The following GALNT2 variants were observed in gnomAD, a reference collection of about 807,000 sequenced individuals.
GALNT2 encodes the protein UDP-GalNAc:polypeptide N-acetylgalactosaminyltransferase 2.
A neutral mutation model predicts 81.4 loss-of-function variants in GALNT2; 31 were observed. The observed-to-expected ratio is 0.38, with a 90% CI of 0.29 to 0.51. The LOEUF is 0.51. Ranked by LOEUF, GALNT2 falls within the 20% of genes least tolerant of loss-of-function variation. The pLI is 0.87. For missense variants in GALNT2, 629 were observed against 765.7 expected, an observed-to-expected ratio of 0.82 and a Z score of 2.11; for synonymous variants, 303 against 287.4, an observed-to-expected ratio of 1.05 and a Z score of -0.55.
At position 230,262,438 on chromosome 1, in the gene GALNT2, T is replaced by C. The variant is rs1369732088; in HGVS notation, c.1137-135T>C. On this transcript the variant is annotated intron_variant, in intron 11 of 15. Transcript: ENST00000366672. ...GGTGGGGACAGCCCACCCTCTGCTG[T>C]GTGCCGTGATCCCAGCTGGAGCTGC... 5 of 711,662 alleles carry C rather than the reference T, an allele frequency of 7.0e-6. No homozygotes were observed. In the Admixed American group the frequency reaches 1.2e-4, roughly 17 times the overall value. The allele number at this position is 711,662 out of a possible 1,614,324, so 44.1% of individuals were successfully genotyped here. A position where few individuals can be genotyped will look rare whatever the true frequency, so the allele number is the denominator to read the frequency against.
intron 1 of GALNT2, among the ~76,000 whole-genome samples, chr1:230,175,020 G>A (rs1005379656): frequency 6.6e-6 from 1 of 152,178 alleles, no homozygotes; most frequent in Non-Finnish European, 1.5e-5. Context: ...TCTTTGCACA[G>A]CACAGGCCAA....
chr1:230,081,246 C>G (rs981505104), intron 1 of GALNT2, among the ~76,000 whole-genome samples: 2 of 152,146 alleles, frequency 1.3e-5, no homozygotes, highest in Non-Finnish European at 2.9e-5. Flanking sequence ...AGGGTCCCCC[C>G]CAGCTGGTGT....
In GALNT2 at chr1:230,262,504, A is replaced by G. The variant is rs559511923; in HGVS notation, c.1137-69A>G. On this transcript the variant is annotated intron_variant, in intron 11 of 15. Transcript: ENST00000366672. ...AGCCGCCTCAGTCACACGCCAGCAG[A>G]CAGGTGCAAATGGAGTGATGCAGAC... 258 of 1,348,442 alleles carry G rather than the reference A, an allele frequency of 1.9e-4. 1 individual carries two copies. In the East Asian group the frequency reaches 5.5e-3, roughly 29 times the overall value. The allele number at this position is 1,348,442 out of a possible 1,614,324, so 83.5% of individuals were successfully genotyped here.
chr1:230,178,192 C>G (rs1176497311), intron 1 of GALNT2, 26 bp from the exon 2 acceptor site: 3 of 1,563,658 alleles, frequency 1.9e-6, no homozygotes, highest in Non-Finnish European at 2.6e-6. Flanking sequence ...AACAAGTCAA[C>G]TCATTCAGTG....
intron 1 of GALNT2, among the ~76,000 whole-genome samples, chr1:230,121,115 C>T (rs1188290964): frequency 6.6e-6 from 1 of 152,238 alleles, no homozygotes; most frequent in Admixed American, 6.5e-5. Flanking sequence ...ACGCAATGAT[C>T]TCCAGCCAGT....
At chr1:230,197,668 A>G (rs901035671) in intron 2 of GALNT2, among the ~76,000 whole-genome samples, 2 of 152,166 alleles carry the variant, frequency 1.3e-5, no homozygotes, top group African/African-American at 4.8e-5. Context: ...CCAGAAGTGG[A>G]ATATTATTTC....
chr1:230,255,448 G>A (rs1165474821), intron 11 of GALNT2, 104 bp downstream of exon 11: 2 of 1,459,076 alleles, frequency 1.4e-6, no homozygotes, highest in Non-Finnish European at 1.9e-6. Flanking sequence ...AGTGGGTGTG[G>A]TGCATTTATA....
chr1:230,148,305 G>A (rs1661985955), intron 1 of GALNT2, among the ~76,000 whole-genome samples: 1 of 152,230 alleles, frequency 6.6e-6, no homozygotes, highest in Non-Finnish European at 1.5e-5. Flanking sequence ...TAGAGCTGAA[G>A]CCAGAAACCT....
At chr1:230,082,258 A>T (rs1373864825) in intron 1 of GALNT2, among the ~76,000 whole-genome samples, 3 of 152,252 alleles carry the variant, frequency 2.0e-5, no homozygotes, top group Admixed American at 6.5e-5. Flanking sequence ...TGAATGAAGC[A>T]GGTGTCACAT....
chr1:230,197,196 T>G (rs770396675), intron 2 of GALNT2, among the ~76,000 whole-genome samples: 1 of 152,076 alleles, frequency 6.6e-6, no homozygotes, highest in Non-Finnish European at 1.5e-5. Flanking sequence ...TCCAGGTGTT[T>G]CTTGGGAGCA....
At chr1:230,076,055 T>G (rs1364409297) in intron 1 of GALNT2, among the ~76,000 whole-genome samples, 1 of 152,204 alleles carries the variant, frequency 6.6e-6, no homozygotes, top group Non-Finnish European at 1.5e-5. Context: ...GTAGACATCT[T>G]GGTCACCTGT....
At chr1:230,205,083 T>G (rs1448577612) in intron 3 of GALNT2, among the ~76,000 whole-genome samples, 1 of 152,138 alleles carries the variant, frequency 6.6e-6, no homozygotes, top group African/African-American at 2.4e-5. Context: ...AGCCAGCAAG[T>G]GTCTAATTTC....
chr1:230,256,480 G>A (rs996174336), intron 11 of GALNT2, among the ~76,000 whole-genome samples: 5 of 149,814 alleles, frequency 3.3e-5, no homozygotes, highest in Non-Finnish European at 1.5e-5. Flanking sequence ...TCTTAATACT[G>A]TTATAATGGC....
At chr1:230,270,592 C>T (rs1388938718) in intron 14 of GALNT2, among the ~76,000 whole-genome samples, 1 of 152,126 alleles carries the variant, frequency 6.6e-6, no homozygotes, top group East Asian at 1.9e-4. Flanking sequence ...TATTCCAGCT[C>T]ACAAACCCAC....
At chr1:230,140,911 G>A (rs771878929) in intron 1 of GALNT2, among the ~76,000 whole-genome samples, 16 of 152,308 alleles carry the variant, frequency 1.1e-4, no homozygotes, top group Non-Finnish European at 1.8e-4. Flanking sequence ...GTGATAGTGT[G>A]GAAGGGAAGA....
At chr1:230,211,723 T>C (rs1172580937) in intron 3 of GALNT2, among the ~76,000 whole-genome samples, 3 of 152,190 alleles carry the variant, frequency 2.0e-5, no homozygotes, top group Non-Finnish European at 2.9e-5. Context: ...CAGTGAGCTA[T>C]GATCATGCTA....
chr1:230,221,274 A>G (rs1664538883), intron 3 of GALNT2, among the ~76,000 whole-genome samples: 1 of 152,150 alleles, frequency 6.6e-6, no homozygotes, highest in Non-Finnish European at 1.5e-5. Flanking sequence ...ATGTTTATTT[A>G]GCTAGCTCTC....
At chr1:230,201,333 G>A (rs1471649041) in intron 2 of GALNT2, among the ~76,000 whole-genome samples, 2 of 152,112 alleles carry the variant, frequency 1.3e-5, no homozygotes, top group Non-Finnish European at 2.9e-5. Flanking sequence ...CACCCCCCAA[G>A]CATCATTTCC....
At chr1:230,067,227 GC>G, upstream of GALNT2, 1 of 1,170,850 alleles carries the variant, frequency 8.5e-7, no homozygotes, top group Non-Finnish European at 1.1e-6. Flanking sequence ...CCCGCGGCCG[GC>G]CCAGGCAGCA....
Sources: gnomAD v4.1 joint callset for allele counts (sites outside exome capture counted in the v4.1 genomes callset) on GRCh38, gnomAD v4.1.1 for gene constraint, MANE v1.5 for transcripts, NCBI Gene and HGNC (gene_info 2026-07-23, HGNC 2026-07-21) for gene names.